CPD: variants seen among roughly 807,000 people sequenced by gnomAD.
CPD encodes metallocarboxypeptidase D.
CPD carries 69 observed loss-of-function variants against 138.3 expected under a neutral mutation model. The ratio of observed to expected loss-of-function variants is 0.50; its 90% CI spans 0.41 to 0.61. The LOEUF (loss-of-function observed/expected upper bound fraction) is 0.61. Ranked by LOEUF, CPD falls within the 20% of genes least tolerant of loss-of-function variation. CPD has a pLI of 0.00. For missense variants in CPD, 1,432 were observed against 1,733.3 expected (o/e 0.83, Z 3.09); for synonymous variants, 651 against 642.1 (o/e 1.01, Z -0.21).
At chr17:30,403,602 A>G (rs550023355) in intron 2 of CPD, among the ~76,000 whole-genome samples, 15 of 152,350 alleles carry the variant, frequency 9.8e-5, no homozygotes, top group African/African-American at 3.6e-4. Context: ...CTCGTCTTCC[A>G]CTAGAATGCT....
At chr17:30,388,446 C>T (rs924182995) in intron 2 of CPD, among the ~76,000 whole-genome samples, 13 of 152,244 alleles carry the variant, frequency 8.5e-5, no homozygotes, top group African/African-American at 2.9e-4. Context: ...TTCCCTCTTC[C>T]ATGCTTGTCA....
chr17:30,388,937 C>A (rs1389567008), intron 2 of CPD, among the ~76,000 whole-genome samples: 2 of 150,784 alleles, frequency 1.3e-5, no homozygotes, highest in Non-Finnish European at 2.9e-5. Flanking sequence ...AGAGCCTCCT[C>A]CCGAGCCCAG....
chr17:30,463,986 T>G (rs923788337), intron 20 of CPD, among the ~76,000 whole-genome samples: 1 of 152,052 alleles, frequency 6.6e-6, no homozygotes, highest in African/African-American at 2.4e-5. Flanking sequence ...GAAAGTTTAC[T>G]GGAAAGGAAA....
At chr17:30,387,211 G>A (rs562417062) in intron 2 of CPD, among the ~76,000 whole-genome samples, 1 of 152,282 alleles carries the variant, frequency 6.6e-6, no homozygotes, top group African/African-American at 2.4e-5. Context: ...TCCGCCTCCT[G>A]GCTTCAAGTG....
chr17:30,421,882 T>C (rs767186017), intron 4 of CPD, 49 bp downstream of exon 4: 3 of 1,394,444 alleles, frequency 2.2e-6, no homozygotes, highest in South Asian at 2.4e-5. Flanking sequence ...CAAGTCTCTG[T>C]TTTATATCTG....
At chr17:30,400,890 G>C (rs1183384812) in intron 2 of CPD, among the ~76,000 whole-genome samples, 1 of 148,894 alleles carries the variant, frequency 6.7e-6, no homozygotes, top group Non-Finnish European at 1.5e-5. Flanking sequence ...TGTTAGCCAA[G>C]ATAGTCTTGA....
chr17:30,462,599 G>A (rs1913518626), intron 20 of CPD, 130 bp downstream of exon 20: 1 of 660,940 alleles, frequency 1.5e-6, no homozygotes, highest in Non-Finnish European at 2.6e-6. Context: ...TTATCTAAAT[G>A]TGATTTTCCT....
intron 18 of CPD, 116 bp downstream of exon 18, chr17:30,461,427 AAAG>A: frequency 1.3e-6 from 1 of 762,784 alleles, no homozygotes; most frequent in Non-Finnish European, 1.8e-6. Context: ...ATTTATATAG[AAAG>A]AAGAGTTTTG....
chr17:30,421,089 C>A, intron 3 of CPD, 106 bp downstream of exon 3: 1 of 771,774 alleles, frequency 1.3e-6, no homozygotes, highest in Admixed American at 3.1e-5. Flanking sequence ...TGTCATTTAT[C>A]TCTTTTTATT....
At chr17:30,385,861 G>A (rs1482503645) in intron 2 of CPD, among the ~76,000 whole-genome samples, 1 of 151,348 alleles carries the variant, frequency 6.6e-6, no homozygotes, top group Admixed American at 6.6e-5. Context: ...AATCTAGATT[G>A]TCACTTTCTT....
chr17:30,443,570 A>G (rs892487569), intron 10 of CPD, among the ~76,000 whole-genome samples: 1 of 152,200 alleles, frequency 6.6e-6, no homozygotes, highest in Non-Finnish European at 1.5e-5. Context: ...AATGTGCTAA[A>G]GTTTAAACAG....
intron 2 of CPD, among the ~76,000 whole-genome samples, chr17:30,409,545 C>G (rs147617934): frequency 1.3e-5 from 2 of 152,248 alleles, no homozygotes; most frequent in Non-Finnish European, 2.9e-5. Flanking sequence ...TGTTATTGGT[C>G]TATTAAGAGA....
At chr17:30,423,099 G>A (rs1912311415) in intron 5 of CPD, 76 bp downstream of exon 5, 1 of 1,149,404 alleles carries the variant, frequency 8.7e-7, no homozygotes, top group African/African-American at 1.6e-5. Flanking sequence ...GTTTCATTCA[G>A]AAAGGTCGCC....
chr17:30,449,598 C>T lies in CPD; in HGVS notation c.2919C>T (p.Ile973=). The change falls in exon 13 of 21, where the codon ATC becomes ATT. Residue 973 remains isoleucine (I), a synonymous_variant. Transcript: ENST00000225719. ...TEYRHIWSLE[I]SNKPNVSEPE... Reference sequence around the variant, plus strand: ...ATCGTCACATTTGGTCCCTTGAAATCTCCAATAAGCCCAATGTATCTGAGC... The same window carrying T: ...ATCGTCACATTTGGTCCCTTGAAATTTCCAATAAGCCCAATGTATCTGAGC... 1 of 1,603,686 alleles carries T rather than the reference C, an allele frequency of 6.2e-7. No individual in the cohort carries two copies. Among genetic ancestry groups the T allele is most frequent in the Non-Finnish European group, 8.5e-7 (1 of 1,177,504 alleles).
chr17:30,399,967 G>C (rs1034858695), intron 2 of CPD, among the ~76,000 whole-genome samples: 1 of 152,018 alleles, frequency 6.6e-6, no homozygotes, highest in African/African-American at 2.4e-5. Flanking sequence ...CTCCAACCTG[G>C]GTAATACAGC....
chr17:30,409,316 C>A (rs1911894590), intron 2 of CPD, among the ~76,000 whole-genome samples: 1 of 151,980 alleles, frequency 6.6e-6, no homozygotes, highest in South Asian at 2.1e-4. Flanking sequence ...GTCTAAAATT[C>A]TCTTTTTTTG....
chr17:30,431,877 C>G lies in CPD; in HGVS notation c.2123C>G (p.Ser708Cys). ...TTCCAACAAATAGCACTTTCTTATT[C>G]CAAGGTAGGCTTGTCTTTGAATATA... ...AVFQQIALSY[S>C]KENSQMFQGR... The change falls in exon 8 of 21, where the codon TCC becomes TGC. Residue 708 changes from serine to cysteine, a missense_variant. Ser to Cys is a moderately radical substitution (Grantham distance 112). Coordinates refer to ENST00000225719, the MANE Select transcript of CPD (RefSeq NM_001304.5). 1 of 1,571,108 alleles carries G rather than the reference C, an allele frequency of 6.4e-7. No individual in the cohort carries two copies. The highest frequency in any genetic ancestry group is 8.7e-7 in the Non-Finnish European group (1 of 1,146,516).
intron 1 of CPD, among the ~76,000 whole-genome samples, chr17:30,383,696 C>G (rs1216773208): frequency 6.6e-6 from 1 of 151,434 alleles, no homozygotes; most frequent in African/African-American, 2.4e-5. Flanking sequence ...ACTCATCATG[C>G]TTAAAATAGT....
chr17:30,397,771 A>G (rs946186897), intron 2 of CPD, among the ~76,000 whole-genome samples: 5 of 150,430 alleles, frequency 3.3e-5, no homozygotes, highest in Admixed American at 2.0e-4. Flanking sequence ...AAGAAGATAT[A>G]AAATTCCTTA....
Sources: allele counts gnomAD v4.1 joint callset (sites outside exome capture counted in the v4.1 genomes callset), GRCh38; gene constraint gnomAD v4.1.1; transcripts MANE v1.5; gene names NCBI Gene and HGNC (gene_info 2026-07-23, HGNC 2026-07-21).